KMT5B: variants seen among roughly 807,000 people sequenced by gnomAD.
KMT5B encodes lysine methyltransferase 5B.
In KMT5B, 10 loss-of-function variants were observed where a neutral mutation model predicts 83.2. The ratio of observed to expected loss-of-function variants is 0.12; its 90% CI spans 0.07 to 0.20. The LOEUF is 0.20. KMT5B is among the 10% of genes least tolerant of loss of function. The pLI is 1.00. For missense variants in KMT5B, 753 were observed against 1,067.2 expected (o/e 0.71, Z 4.10); for synonymous variants, 349 against 388.8 (o/e 0.90, Z 1.20).
chr11:68,212,984 G>GCC (rs1861146737), intron 1 of KMT5B, among the ~76,000 whole-genome samples, 154 bp downstream of exon 1: 1 of 58,646 alleles, frequency 1.7e-5, no homozygotes. Context: ...CGCCCCCCGC[G>GCC]CCCGGCCGCT....
Position 68,158,160 on chromosome 11 carries a change from TTGC to T in KMT5B, c.2183_2185del (p.Ser728del), listed in dbSNP as rs765948681. On this transcript the variant is annotated inframe_deletion, in exon 11 of 11. Coordinates refer to ENST00000304363, the MANE Select transcript of KMT5B (RefSeq NM_017635.5). Reference sequence around the variant, plus strand: ...TCCATCATTCTCTTGGTCATTTGTTTTGCTGCTGCTATCATGACGCCTACGAAG... The same window carrying T: ...TCCATCATTCTCTTGGTCATTTGTTTTGCTGCTATCATGACGCCTACGAAG... 6.2e-6 allele frequency: 10 copies of T among 1,614,084 alleles called. No individual in the cohort carries two copies. The highest frequency in any genetic ancestry group is 1.3e-5 in the African/African-American group (1 of 74,932).
chr11:68,175,837 A>G (rs186291886), intron 4 of KMT5B, among the ~76,000 whole-genome samples: 4 of 152,350 alleles, frequency 2.6e-5, no homozygotes, highest in Admixed American at 2.0e-4. Flanking sequence ...TCAGAGAACA[A>G]AACGAGTACA....
In KMT5B at chr11:68,189,713, T is replaced by C. The variant is rs907264740; in HGVS notation, c.160+204A>G. ...GACAGAAAAGCATGATTAAAATAAT[T>C]ATATGAAGCATTAAACTTGAGTTTT... On this transcript the variant is annotated intron_variant, in intron 2 of 10. Transcript: ENST00000304363. 6.7e-5 allele frequency: 27 copies of C among 405,528 alleles called. No homozygotes were observed. The East Asian group carries it at 9.3e-4, about 14-fold the overall frequency. 25.1% of individuals were successfully genotyped at this position (405,528 alleles called of 1,614,324 possible). A position where few individuals can be genotyped will look rare whatever the true frequency, so the allele number is the denominator to read the frequency against.
At chr11:68,167,454 T>TC (rs1855416910) in intron 9 of KMT5B, among the ~76,000 whole-genome samples, 1 of 151,350 alleles carries the variant, frequency 6.6e-6, no homozygotes, top group South Asian at 2.1e-4. Context: ...TAAAATTTTT[T>TC]CCTTTTTTTT....
chr11:68,194,350 C>T (rs1858458888), intron 1 of KMT5B, among the ~76,000 whole-genome samples: 1 of 151,960 alleles, frequency 6.6e-6, no homozygotes, highest in Non-Finnish European at 1.5e-5. Flanking sequence ...CACCACCATG[C>T]CCGCCTAATT....
chr11:68,183,114 T>C (rs773673741), intron 3 of KMT5B, among the ~76,000 whole-genome samples: 11 of 152,070 alleles, frequency 7.2e-5, no homozygotes, highest in Admixed American at 3.3e-4. Flanking sequence ...ACTTTCTTGA[T>C]GACCCCAGGT....
At chr11:68,187,218 G>C (rs1396287871) in intron 2 of KMT5B, among the ~76,000 whole-genome samples, 1 of 151,996 alleles carries the variant, frequency 6.6e-6, no homozygotes, top group Non-Finnish European at 1.5e-5. Flanking sequence ...GGCTGGTCTT[G>C]AACTCCTGAG....
chr11:68,171,405 T>A lies in KMT5B; in HGVS notation c.820+138A>T. ...CAACTAAAGGAATATACATTTATTT[T>A]AATAAGTTTGTGGAAACATTTCTAT... is the stretch of plus-strand genomic sequence containing the variant. On this transcript the variant is annotated intron_variant, in intron 7 of 10. Coordinates refer to ENST00000304363, the MANE Select transcript of KMT5B (RefSeq NM_017635.5). The surrounding 1 kb of genome is among the most constrained non-coding windows in gnomAD (Gnocchi z 5.1). 7.9e-7 allele frequency: 1 copy of A among 1,270,410 alleles called. No individual in the cohort carries two copies. The highest frequency in any genetic ancestry group is 1.5e-5 in the African/African-American group (1 of 65,812). 78.7% of individuals were successfully genotyped at this position (1,270,410 alleles called of 1,614,324 possible). A position where few individuals can be genotyped will look rare whatever the true frequency, so the allele number is the denominator to read the frequency against.
intron 10 of KMT5B, among the ~76,000 whole-genome samples, chr11:68,161,373 C>T (rs1854851075): frequency 6.6e-6 from 1 of 152,142 alleles, no homozygotes; most frequent in African/African-American, 2.4e-5. Flanking sequence ...TCAGATGTGG[C>T]TACGATGATC....
chr11:68,185,628 T>C (rs549076554), intron 3 of KMT5B, among the ~76,000 whole-genome samples, 153 bp downstream of exon 3: 13 of 152,396 alleles, frequency 8.5e-5, no homozygotes, highest in Admixed American at 7.8e-4. Context: ...GTCTTTTCTC[T>C]GCTTCTCTTG....
chr11:68,211,636 G>A (rs1241937212), intron 1 of KMT5B, among the ~76,000 whole-genome samples: 2 of 152,150 alleles, frequency 1.3e-5, no homozygotes, highest in Non-Finnish European at 2.9e-5. Flanking sequence ...AAAAACTCAC[G>A]AGTAACCACC....
At chr11:68,165,572 A>G in intron 10 of KMT5B, 1 of 310,776 alleles carries the variant, frequency 3.2e-6, no homozygotes, top group Non-Finnish European at 5.5e-6. Flanking sequence ...CCTAGGCTCA[A>G]GTGACCCTCC....
chr11:68,203,045 A>G (rs1294043681), intron 1 of KMT5B, among the ~76,000 whole-genome samples: 1 of 151,966 alleles, frequency 6.6e-6, no homozygotes, highest in Non-Finnish European at 1.5e-5. Flanking sequence ...GCACGATCTC[A>G]GCTCACTGCA....
intron 1 of KMT5B, among the ~76,000 whole-genome samples, chr11:68,198,292 G>A (rs557779615): frequency 3.4e-4 from 52 of 152,288 alleles, no homozygotes; most frequent in Non-Finnish European, 5.0e-4. Context: ...GCTGAGGCAG[G>A]AGAATAGCTT....
In KMT5B at chr11:68,171,020, G is replaced by A. The variant is rs767378835; in HGVS notation, c.972C>T (p.Cys324=). ...CATTTTACTTAATACCTTACCTTTC[G>A]CAAGTGTAACACTCGCAGAACTCAT... ...ENNEFCECYT[C]ERRGTGAFKS... is the part of the protein sequence containing the mutation. The change falls in exon 9 of 11, where the codon TGC becomes TGT. Residue 324 remains cysteine (C), a synonymous_variant. Coordinates refer to ENST00000304363, the MANE Select transcript of KMT5B (RefSeq NM_017635.5). The surrounding 1 kb of genome is among the most constrained non-coding windows in gnomAD (Gnocchi z 5.1). 1.5e-5 allele frequency: 23 copies of A among 1,579,898 alleles called. No homozygotes were observed. Among genetic ancestry groups the A allele is most frequent in the Admixed American group, 2.1e-5 (1 of 46,994 alleles).
chr11:68,163,262 A>C (rs982505380), intron 10 of KMT5B, among the ~76,000 whole-genome samples: 2 of 152,206 alleles, frequency 1.3e-5, no homozygotes, highest in Non-Finnish European at 2.9e-5. Flanking sequence ...CATTCATCCT[A>C]ATGAACGCCG....
intron 2 of KMT5B, among the ~76,000 whole-genome samples, chr11:68,186,331 T>C (rs562966664): frequency 2.0e-5 from 3 of 152,268 alleles, no homozygotes; most frequent in African/African-American, 7.2e-5. Flanking sequence ...GAACACAAGA[T>C]AGTTTCTGCA....
At chr11:68,161,965 G>A (rs879653373) in intron 10 of KMT5B, among the ~76,000 whole-genome samples, 5 of 152,036 alleles carry the variant, frequency 3.3e-5, no homozygotes, top group African/African-American at 4.8e-5. Flanking sequence ...TCCTGACGAC[G>A]TCCCCTTTCG....
intron 5 of KMT5B, 37 bp downstream of exon 5, chr11:68,174,981 C>T (rs1269043993): frequency 1.3e-6 from 2 of 1,574,176 alleles, no homozygotes; most frequent in Non-Finnish European, 1.7e-6. Context: ...CTATTCTTAT[C>T]CAAATAGGTT....
Sources: gnomAD v4.1 joint callset for allele counts (sites outside exome capture counted in the v4.1 genomes callset) on GRCh38, gnomAD v4.1.1 for gene constraint, Gnocchi (gnomAD v3.1) non-coding constraint, MANE v1.5 for transcripts, NCBI Gene and HGNC (gene_info 2026-07-23, HGNC 2026-07-21) for gene names.